Variants in STAB2 observed in about 807,000 individuals in gnomAD.
STAB2 encodes the protein stabilin-2.
A neutral mutation model predicts 338.1 loss-of-function variants in STAB2; 288 were observed. The ratio of observed to expected loss-of-function variants is 0.85; its 90% CI spans 0.77 to 0.94. The LOEUF (loss-of-function observed/expected upper bound fraction) is 0.94. STAB2 is among the 40% of genes least tolerant of loss of function. The pLI, the probability that STAB2 is intolerant of heterozygous loss-of-function variation, is 0.00. For synonymous variants in STAB2, 1,202 were observed against 1,193.3 expected, an observed-to-expected ratio of 1.01 and a Z score of -0.15; for missense variants, 3,141 against 3,210.1, an observed-to-expected ratio of 0.98 and a Z score of 0.52.
chr12:103,727,763 C>T (rs1325968393), intron 47 of STAB2, among the ~76,000 whole-genome samples: 1 of 152,080 alleles, frequency 6.6e-6, no homozygotes, highest in Non-Finnish European at 1.5e-5. Flanking sequence ...ACTGGATTGC[C>T]CATTCATAAT....
rs763455330 is a variant in STAB2 at position 103,677,487 on chromosome 12, C to A, written c.2681C>A (p.Thr894Asn). The change falls in exon 25 of 69, where the codon ACC becomes AAC. Residue 894 changes from threonine (T) to asparagine (N), a missense_variant. Transcript: ENST00000388887. ...ECIKTGTGTH[T>N]CVCQQGWTGN... Reference sequence around the variant, plus strand: ...ATCAAAACTGGCACGGGCACCCACACCTGCGTGTGTCAGCAGGGTTGGACA... The same window carrying A: ...ATCAAAACTGGCACGGGCACCCACAACTGCGTGTGTCAGCAGGGTTGGACA... 5.6e-6 allele frequency: 9 copies of A among 1,613,822 alleles called. No individual in the cohort carries two copies. In the South Asian group the frequency reaches 7.7e-5, roughly 14 times the overall value.
chr12:103,728,346 G>A (rs938381202), intron 47 of STAB2, among the ~76,000 whole-genome samples: 2 of 152,142 alleles, frequency 1.3e-5, no homozygotes, highest in Non-Finnish European at 2.9e-5. Context: ...CTGGCCTCAA[G>A]TGATCCACCC....
chr12:103,766,075 A>G, intron 68 of STAB2: 1 of 691,652 alleles, frequency 1.4e-6, no homozygotes, highest in Non-Finnish European at 2.6e-6. Context: ...TGGGCCACCC[A>G]GCTTCAAGCA....
At chr12:103,726,254 C>A in intron 46 of STAB2, 91 bp downstream of exon 46, 2 of 1,373,024 alleles carry the variant, frequency 1.5e-6, no homozygotes, top group Non-Finnish European at 2.0e-6. Flanking sequence ...TTTGGGAGGC[C>A]AAGGCGGGCA....
intron 41 of STAB2, among the ~76,000 whole-genome samples, chr12:103,712,686 T>C (rs1288970660): frequency 6.6e-6 from 1 of 152,220 alleles, no homozygotes; most frequent in Admixed American, 6.5e-5. Flanking sequence ...ACCCACATAA[T>C]GATCGATGTT....
At chr12:103,597,134 A>C (rs181936519) in intron 3 of STAB2, among the ~76,000 whole-genome samples, 1 of 152,014 alleles carries the variant, frequency 6.6e-6, no homozygotes. Flanking sequence ...TTCCAAACAC[A>C]CTAGATGTCT....
Position 103,650,498 on chromosome 12 carries a change from A to G in STAB2, c.1177A>G (p.Lys393Glu), listed in dbSNP as rs758389095. 2 of 1,612,968 alleles carry G rather than the reference A, an allele frequency of 1.2e-6. No individual in the cohort carries two copies. Among genetic ancestry groups the G allele is most frequent in the Non-Finnish European group, 1.7e-6 (2 of 1,179,080 alleles). ...RLTSFISLLDKAYAWPLSKLG... is the reference protein window; with the variant it reads ...RLTSFISLLDEAYAWPLSKLG... ...TTTGTGTTATTTCGACTCCTAAGACAAAGCTTATGCCTGGCCACTGAGTAA... is the reference window on the plus strand; with the variant it reads ...TTTGTGTTATTTCGACTCCTAAGACGAAGCTTATGCCTGGCCACTGAGTAA... Residue 393 changes from lysine (K) to glutamate (E), a missense_variant and splice_region_variant, in exon 11 of 69, where the codon AAA (lysine) becomes GAA (glutamate). Transcript: ENST00000388887.
At position 103,761,404 on chromosome 12, in the gene STAB2, C is replaced by A. The variant is rs748567405; in HGVS notation, c.7353C>A (p.Ala2451=). The part of the protein sequence containing the change: ...VISRPLKAPP[A]PVTLTHTGLG... ...CCAGGCCTTTAAAAGCACCCCCTGC[C>A]CCCGTGGTGAGTATCTAGGGTCCCT... The change falls in exon 66 of 69, where the codon GCC becomes GCA. Residue 2451 remains alanine, a synonymous_variant. Transcript: ENST00000388887. The A allele has an allele frequency of 6.2e-7, 1 of 1,613,410 alleles. No individual in the cohort carries two copies. The highest frequency in any genetic ancestry group is 8.5e-7 in the Non-Finnish European group (1 of 1,179,946).
intron 57 of STAB2, 143 bp downstream of exon 57, chr12:103,745,420 GT>G: frequency 1.4e-6 from 1 of 693,912 alleles, no homozygotes; most frequent in Non-Finnish European, 2.3e-6. Context: ...ATTCAGATCT[GT>G]AGCCCCGGGC....
chr12:103,634,257 G>A (rs757897630), intron 6 of STAB2, among the ~76,000 whole-genome samples: 8 of 152,154 alleles, frequency 5.3e-5, no homozygotes, highest in Non-Finnish European at 8.8e-5. Flanking sequence ...ATTTCTGAGG[G>A]AAACACAGAG....
intron 5 of STAB2, among the ~76,000 whole-genome samples, chr12:103,625,414 C>G (rs11111684): frequency 0.16 from 23,729 of 152,108 alleles, 2,026 homozygotes; most frequent in South Asian, 0.21. Context: ...CAACGTGCAG[C>G]TTAGTTACAT....
rs1879175470 is a variant in STAB2, at chr12:103,704,573, T to C, written c.3859T>C (p.Cys1287Arg). The C allele has an allele frequency of 1.2e-6, 2 of 1,613,578 alleles. No homozygotes were observed. The highest frequency in any genetic ancestry group is 2.2e-5 in the South Asian group (2 of 90,916). Residue 1287 changes from cysteine to arginine, a missense_variant, in exon 36 of 69, where the codon TGC becomes CGC. By Grantham distance (180) the Cys-to-Arg change is radical. Transcript: ENST00000388887. ...TTTTACCAAGGGAAGATGTAGGACATGCTCCTCAGAGCTGACCTGCCCATT... is the reference window on the plus strand; with the variant it reads ...TTTTACCAAGGGAAGATGTAGGACACGCTCCTCAGAGCTGACCTGCCCATT... ...TTIIRGRCRT[C>R]SSELTCPFGT... is the part of the protein sequence containing the mutation.
intron 17 of STAB2, among the ~76,000 whole-genome samples, chr12:103,661,053 G>T (rs1215976765): frequency 6.6e-6 from 1 of 152,050 alleles, no homozygotes; most frequent in Non-Finnish European, 1.5e-5. Flanking sequence ...AATTACAATG[G>T]TAATGAGTGT....
At chr12:103,724,943 C>A (rs1427674972) in intron 44 of STAB2, 32 bp from the exon 45 acceptor site, 1 of 1,610,330 alleles carries the variant, frequency 6.2e-7, no homozygotes, top group Non-Finnish European at 8.5e-7. Flanking sequence ...CTGGTCTAAT[C>A]CCCATCCCTT....
At chr12:103,679,825 A>C (rs1876734281) in intron 25 of STAB2, among the ~76,000 whole-genome samples, 1 of 152,236 alleles carries the variant, frequency 6.6e-6, no homozygotes, top group Admixed American at 6.5e-5. Context: ...ATATTTAAGC[A>C]CCCGTATTCA....
At position 103,591,393 on chromosome 12, in the gene STAB2, G is replaced by A. The variant is rs568033943; in HGVS notation, c.215+363G>A. 3.3e-3 allele frequency among the ~76,000 whole-genome samples: 505 copies of A among 152,252 alleles called. 2 individuals are homozygous for A. The highest frequency in any genetic ancestry group is 5.4e-3 in the Admixed American group (83 of 15,284). On this transcript the variant is annotated intron_variant, in intron 2 of 68. Coordinates refer to ENST00000388887, the MANE Select transcript of STAB2 (RefSeq NM_017564.10). ...CCAGCTACTCAGGAGCTTGAGGCAC[G>A]AGAATCGCTTGAACCCAGGAGGAGG...
chr12:103,749,874 C>CAAAAAAA, intron 59 of STAB2, among the ~76,000 whole-genome samples: 2 of 82,268 alleles, frequency 2.4e-5, no homozygotes, highest in Non-Finnish European at 5.2e-5. Flanking sequence ...AAAAAAAAAG[C>CAAAAAAA]TGGTAAGATG....
intron 31 of STAB2, among the ~76,000 whole-genome samples, chr12:103,693,706 T>C (rs1022233963): frequency 6.6e-6 from 1 of 152,120 alleles, no homozygotes; most frequent in Admixed American, 6.5e-5. Context: ...AAAAGAATAA[T>C]GAGAAATGGG....
intron 5 of STAB2, among the ~76,000 whole-genome samples, chr12:103,624,429 C>T (rs1449868029): frequency 6.6e-6 from 1 of 152,168 alleles, no homozygotes; most frequent in African/African-American, 2.4e-5. Context: ...TCTAGGCCTG[C>T]TAATCATGGA....
Sources: gnomAD v4.1 joint callset for allele counts (sites outside exome capture counted in the v4.1 genomes callset) on GRCh38, gnomAD v4.1.1 for gene constraint, MANE v1.5 for transcripts, NCBI Gene and HGNC (gene_info 2026-07-23, HGNC 2026-07-21) for gene names.